The following ADAM23 variants were observed in gnomAD, a reference collection of about 807,000 sequenced individuals.
ADAM23 encodes the protein disintegrin and metalloproteinase domain-containing protein 23.
ADAM23 carries 33 observed loss-of-function variants against 120.1 expected under a neutral mutation model. The observed-to-expected ratio is 0.27, with a 90% CI of 0.21 to 0.37. ADAM23 has a LOEUF of 0.37. Ranked by LOEUF, ADAM23 falls within the 10% of genes least tolerant of loss-of-function variation. The pLI, the probability that ADAM23 is intolerant of heterozygous loss-of-function variation, is 1.00. For missense variants in ADAM23, 862 were observed against 1,058.2 expected (o/e 0.81, Z 2.57); for synonymous variants, 367 against 375.2 (o/e 0.98, Z 0.25).
At chr2:206,526,086 TTA>T (rs1158948568) in intron 3 of ADAM23, among the ~76,000 whole-genome samples, 1 of 151,614 alleles carries the variant, frequency 6.6e-6, no homozygotes, top group African/African-American at 2.4e-5. Context: ...ACATGGCTGT[TTA>T]TGTGTCTACT....
intron 3 of ADAM23, among the ~76,000 whole-genome samples, chr2:206,519,393 A>G (rs1166958108): frequency 5.9e-5 from 9 of 152,296 alleles, no homozygotes; most frequent in African/African-American, 2.2e-4. Flanking sequence ...TGTTAGAGAA[A>G]TTAGTTGTGA....
At chr2:206,509,904 C>G (rs1696587170) in intron 3 of ADAM23, among the ~76,000 whole-genome samples, 1 of 152,216 alleles carries the variant, frequency 6.6e-6, no homozygotes, top group South Asian at 2.1e-4. Context: ...GATTCCTTCT[C>G]TCCTCCTGAG....
intron 12 of ADAM23, among the ~76,000 whole-genome samples, 178 bp from the exon 13 acceptor site, chr2:206,562,025 C>A (rs943425094): frequency 1.3e-5 from 2 of 152,142 alleles, no homozygotes; most frequent in African/African-American, 2.4e-5. Flanking sequence ...GTAAGAGGGG[C>A]TTTCTGCTTC....
chr2:206,490,633 T>C (rs1696114170), intron 3 of ADAM23, among the ~76,000 whole-genome samples: 1 of 152,242 alleles, frequency 6.6e-6, no homozygotes, highest in African/African-American at 2.4e-5. Flanking sequence ...TTGCATTGTA[T>C]ATGTCCTAGA....
intron 2 of ADAM23, among the ~76,000 whole-genome samples, chr2:206,465,030 AG>A (rs1465825213): frequency 6.6e-6 from 1 of 151,990 alleles, no homozygotes; most frequent in Admixed American, 6.6e-5. Flanking sequence ...TTCTGCCCTA[AG>A]TACTACAACA....
At position 206,594,847 on chromosome 2, in the gene ADAM23, C is replaced by A; in HGVS notation, c.2189C>A (p.Ala730Asp). 6.2e-7 allele frequency: 1 copy of A among 1,614,090 alleles called. No individual in the cohort carries two copies. The highest frequency in any genetic ancestry group is 8.5e-7 in the Non-Finnish European group (1 of 1,180,008). Residue 730 changes from alanine (A) to aspartate (D), a missense_variant, in exon 23 of 26, where the codon GCC becomes GAC. Coordinates refer to ENST00000264377, the MANE Select transcript of ADAM23 (RefSeq NM_003812.4). Reference sequence around the variant, plus strand: ...GATCGGAAGTGCCTACAAATTCAAGCCCTAAATATGAGCAGCTGTCCACTC... The same window carrying A: ...GATCGGAAGTGCCTACAAATTCAAGACCTAAATATGAGCAGCTGTCCACTC... ...CLDRKCLQIQ[A>D]LNMSSCPLDS...
chr2:206,600,058 T>C (rs533775575), intron 24 of ADAM23, among the ~76,000 whole-genome samples: 18 of 152,164 alleles, frequency 1.2e-4, no homozygotes, highest in East Asian at 1.2e-3. Context: ...AAAAATTAGT[T>C]GGGCGTGGTG....
At chr2:206,523,569 GTA>G (rs1485615607) in intron 3 of ADAM23, among the ~76,000 whole-genome samples, 2 of 151,968 alleles carry the variant, frequency 1.3e-5, no homozygotes, top group Non-Finnish European at 2.9e-5. Flanking sequence ...TCAAAGGAGT[GTA>G]TATTTTTTAG....
chr2:206,445,559 C>T (rs767063595), intron 2 of ADAM23, 35 bp downstream of exon 2: 1 of 1,534,554 alleles, frequency 6.5e-7, no homozygotes, highest in Non-Finnish European at 8.9e-7. Context: ...AAGTAACTAT[C>T]ATGAAGAGTT....
chr2:206,445,290 C>G lies in ADAM23; in HGVS notation c.215-17C>G. 9.4e-6 allele frequency: 15 copies of G among 1,603,558 alleles called. No homozygotes were observed. Among genetic ancestry groups the G allele is most frequent in the Non-Finnish European group, 1.3e-5 (15 of 1,171,436 alleles). On this transcript the variant is annotated splice_polypyrimidine_tract_variant and intron_variant, in intron 1 of 25. Transcript: ENST00000264377. ...ATGTTTGTATTTTCTGCTCCCCCAC[C>G]CCCCTACCTCCACCAGCTCCGCATT...
At chr2:206,485,763 A>T (rs1695999250) in intron 3 of ADAM23, among the ~76,000 whole-genome samples, 1 of 152,184 alleles carries the variant, frequency 6.6e-6, no homozygotes, top group Non-Finnish European at 1.5e-5. Flanking sequence ...CCAGAGGAGG[A>T]GGCAAACAGT....
chr2:206,457,904 A>T (rs746130049), intron 2 of ADAM23, among the ~76,000 whole-genome samples: 1 of 152,186 alleles, frequency 6.6e-6, no homozygotes, highest in Non-Finnish European at 1.5e-5. Context: ...TTTTTTACTA[A>T]TTAAGGAAAT....
intron 18 of ADAM23, among the ~76,000 whole-genome samples, chr2:206,583,797 C>T (rs1698268599): frequency 6.6e-6 from 1 of 152,082 alleles, no homozygotes; most frequent in Admixed American, 6.5e-5. Flanking sequence ...TTTGGCTTTG[C>T]CTTTCTCTGG....
At chr2:206,563,883 C>A (rs1574536450) in intron 13 of ADAM23, among the ~76,000 whole-genome samples, 1 of 152,064 alleles carries the variant, frequency 6.6e-6, no homozygotes, top group East Asian at 1.9e-4. Flanking sequence ...GTGCCCACCA[C>A]CACACCCGGC....
chr2:206,463,590 C>T (rs1695473616), intron 2 of ADAM23, among the ~76,000 whole-genome samples: 1 of 152,204 alleles, frequency 6.6e-6, no homozygotes, highest in African/African-American at 2.4e-5. Flanking sequence ...ATTCTTTGTC[C>T]TGGGGAATAG....
chr2:206,601,919 A>G (rs568180366), intron 24 of ADAM23, among the ~76,000 whole-genome samples: 5 of 152,270 alleles, frequency 3.3e-5, no homozygotes, highest in Admixed American at 6.5e-5. Context: ...GGAATTAGAT[A>G]AGAAAGGAAG....
chr2:206,525,409 T>C (rs1456572042), intron 3 of ADAM23, among the ~76,000 whole-genome samples: 1 of 152,210 alleles, frequency 6.6e-6, no homozygotes, highest in Non-Finnish European at 1.5e-5. Flanking sequence ...TTTTAAGTCA[T>C]GTAGAAAAAA....
chr2:206,608,357 C>A (rs889077328), intron 24 of ADAM23, among the ~76,000 whole-genome samples: 1 of 152,138 alleles, frequency 6.6e-6, no homozygotes, highest in African/African-American at 2.4e-5. Context: ...TAGGGTCAGA[C>A]AAATCTGTGT....
intron 3 of ADAM23, among the ~76,000 whole-genome samples, chr2:206,498,671 A>G (rs1185244500): frequency 6.6e-6 from 1 of 152,200 alleles, no homozygotes; most frequent in Non-Finnish European, 1.5e-5. Flanking sequence ...TAAACTAAAG[A>G]GCTTTTGCAC....
Sources: allele counts gnomAD v4.1 joint callset (sites outside exome capture counted in the v4.1 genomes callset), GRCh38; gene constraint gnomAD v4.1.1; transcripts MANE v1.5; gene names NCBI Gene and HGNC (gene_info 2026-07-23, HGNC 2026-07-21).